The following FAM13C variants were observed in gnomAD, a reference collection of about 807,000 sequenced individuals.
FAM13C encodes protein FAM13C.
In FAM13C, 37 loss-of-function variants were observed where a neutral mutation model predicts 73.2. That is an observed-to-expected ratio of 0.51 (90% confidence interval 0.39 to 0.67). The LOEUF is 0.67. Among genes scored for constraint, FAM13C ranks in the 30% least tolerant of loss-of-function variants. The pLI is 0.00. For synonymous variants in FAM13C, 246 were observed against 260.9 expected, an observed-to-expected ratio of 0.94 and a Z score of 0.55; for missense variants, 589 against 715.6, an observed-to-expected ratio of 0.82 and a Z score of 2.02.
chr10:59,297,767 T>C lies in FAM13C; in HGVS notation c.507+5034A>G, dbSNP rs375140238. ...TCACTCCCTGCAACTGAACTTATTC[T>C]GTCCTCCTAATTTTATTAAGGTTTT... On this transcript the variant is annotated intron_variant, in intron 5 of 13. Transcript: ENST00000618804. Among the ~76,000 whole-genome samples the C allele has an allele frequency of 4.7e-4, 71 of 152,280 alleles. 1 individual carries two copies. The highest frequency in any genetic ancestry group is 1.6e-3 in the African/African-American group (65 of 41,548).
chr10:59,277,621 G>C (rs1844462105), intron 6 of FAM13C, among the ~76,000 whole-genome samples: 1 of 152,156 alleles, frequency 6.6e-6, no homozygotes, highest in South Asian at 2.1e-4. Flanking sequence ...CAGAAACAGA[G>C]GGGCTGTAGC....
chr10:59,339,899 A>ATG (rs1209431392), intron 3 of FAM13C, among the ~76,000 whole-genome samples: 1 of 152,152 alleles, frequency 6.6e-6, no homozygotes, highest in Non-Finnish European at 1.5e-5. Context: ...GGATTATTTT[A>ATG]TGTGTGTGTG....
At chr10:59,355,994 A>G (rs1311672194) in intron 1 of FAM13C, 51 bp from the exon 2 acceptor site, 7 of 1,514,564 alleles carry the variant, frequency 4.6e-6, no homozygotes, top group Non-Finnish European at 6.4e-6. Context: ...CTGCTATAGC[A>G]GTAGTAGCAA....
chr10:59,316,998 G>A (rs1212914520), intron 4 of FAM13C, among the ~76,000 whole-genome samples: 3 of 152,024 alleles, frequency 2.0e-5, no homozygotes, highest in Non-Finnish European at 2.9e-5. Flanking sequence ...TTATAAATAT[G>A]TGTATGTATG....
At chr10:59,260,830 T>A (rs1370053195) in intron 10 of FAM13C, among the ~76,000 whole-genome samples, 1 of 152,134 alleles carries the variant, frequency 6.6e-6, no homozygotes, top group Non-Finnish European at 1.5e-5. Context: ...TATCCACCAG[T>A]CAGTAGGCTT....
intron 3 of FAM13C, among the ~76,000 whole-genome samples, chr10:59,347,602 C>T (rs1448671366): frequency 2.0e-5 from 3 of 151,904 alleles, no homozygotes; most frequent in Admixed American, 1.3e-4. Flanking sequence ...TAGATATACA[C>T]GTGCCTTGGT....
chr10:59,264,464 G>A (rs1842824020), intron 8 of FAM13C, among the ~76,000 whole-genome samples: 1 of 152,094 alleles, frequency 6.6e-6, no homozygotes, highest in Admixed American at 6.5e-5. Context: ...TCCTGGCCAT[G>A]CCAGTGCCCC....
intron 3 of FAM13C, among the ~76,000 whole-genome samples, chr10:59,347,679 C>T (rs1026546261): frequency 2.3e-4 from 35 of 151,456 alleles, no homozygotes; most frequent in African/African-American, 7.8e-4. Context: ...CCTCCCCTAG[C>T]CCCCCACCCC....
chr10:59,283,594 C>T (rs770532187), intron 5 of FAM13C, 147 bp from the exon 6 acceptor site: 75 of 766,296 alleles, frequency 9.8e-5, no homozygotes, highest in Non-Finnish European at 1.7e-4. Context: ...AAGCACCTTC[C>T]TCCACTGCCT....
chr10:59,326,986 A>G (rs559878677), intron 3 of FAM13C, among the ~76,000 whole-genome samples: 3 of 152,364 alleles, frequency 2.0e-5, no homozygotes, highest in South Asian at 2.1e-4. Context: ...GTTTGATTAC[A>G]TAAGTCTTTT....
intron 4 of FAM13C, among the ~76,000 whole-genome samples, chr10:59,306,518 T>C (rs919457857): frequency 2.6e-5 from 4 of 152,166 alleles, no homozygotes; most frequent in African/African-American, 4.8e-5. Flanking sequence ...ATAAAGCTAA[T>C]GAACACTGAG....
intron 5 of FAM13C, among the ~76,000 whole-genome samples, chr10:59,290,370 GA>G (rs1433901981): frequency 6.6e-6 from 1 of 152,178 alleles, no homozygotes; most frequent in African/African-American, 2.4e-5. Context: ...GATTCCCTAT[GA>G]TGATATGAAG....
intron 6 of FAM13C, among the ~76,000 whole-genome samples, chr10:59,283,111 T>C (rs1315894931): frequency 2.0e-5 from 3 of 152,134 alleles, no homozygotes; most frequent in African/African-American, 7.2e-5. Context: ...ATGGGTACTT[T>C]CACCTTACAC....
At chr10:59,329,102 T>C (rs758341257) in intron 3 of FAM13C, among the ~76,000 whole-genome samples, 1 of 152,072 alleles carries the variant, frequency 6.6e-6, no homozygotes, top group African/African-American at 2.4e-5. Context: ...TTGATTTAAA[T>C]TTCCTTTCAA....
intron 6 of FAM13C, among the ~76,000 whole-genome samples, chr10:59,279,684 G>A (rs1043362378): frequency 3.9e-5 from 6 of 152,278 alleles, no homozygotes; most frequent in South Asian, 2.1e-4. Context: ...TCCATTTTCC[G>A]TTCAATCACA....
intron 4 of FAM13C, among the ~76,000 whole-genome samples, chr10:59,306,818 G>A (rs1270664273): frequency 3.3e-5 from 5 of 152,210 alleles, no homozygotes; most frequent in African/African-American, 4.8e-5. Context: ...AGTTTGCAGT[G>A]AGCTGAGATC....
chr10:59,361,162 A>G, intron 1 of FAM13C: 1 of 1,198,920 alleles, frequency 8.3e-7, no homozygotes, highest in Non-Finnish European at 1.1e-6. Context: ...TTATAAACAG[A>G]ATGTGGGTCC....
chr10:59,324,132 A>G, intron 3 of FAM13C, 26 bp from the exon 4 acceptor site: 1 of 1,578,720 alleles, frequency 6.3e-7, no homozygotes, highest in Non-Finnish European at 8.7e-7. Context: ...GCAAAAGTAG[A>G]TGAGCTGTCA....
At chr10:59,271,010 T>G (rs1007788887) in intron 6 of FAM13C, among the ~76,000 whole-genome samples, 4 of 152,124 alleles carry the variant, frequency 2.6e-5, no homozygotes, top group African/African-American at 9.7e-5. Context: ...GGCAGGCGAC[T>G]GAGGCACAGC....
Sources: allele counts gnomAD v4.1 joint callset (sites outside exome capture counted in the v4.1 genomes callset), GRCh38; gene constraint gnomAD v4.1.1; transcripts MANE v1.5; gene names NCBI Gene and HGNC (gene_info 2026-07-23, HGNC 2026-07-21).